The following PRCP variants were observed in gnomAD, a reference collection of about 807,000 sequenced individuals.
PRCP encodes prolylcarboxypeptidase.
A neutral mutation model predicts 54.2 loss-of-function variants in PRCP; 46 were observed. That is an observed-to-expected ratio of 0.85 (90% CI 0.67 to 1.09). PRCP has a LOEUF of 1.09. Among genes scored for constraint, PRCP ranks in the 50% least tolerant of loss-of-function variants. The probability of loss-of-function intolerance (pLI) is 0.00; values close to 1 mark genes in which losing one functional copy is unlikely to be tolerated. For missense variants in PRCP, 613 were observed against 596.8 expected (o/e 1.03, Z -0.28); for synonymous variants, 240 against 212.2 (o/e 1.13, Z -1.14).
rs1258911849 is a variant in PRCP, at chr11:82,825,153, G to A, written c.1275-31C>T. 4 of 1,565,722 alleles carry A rather than the reference G, an allele frequency of 2.6e-6. No individual in the cohort carries two copies. The African/African-American group carries it at 5.4e-5, about 21-fold the overall frequency. The stretch of plus-strand genomic sequence containing the variant: ...AGTGAAAAAAAGAAGAAAAAATAAA[G>A]TTGTTAGTTTTTCATGTTAACACTC... On this transcript the variant is annotated intron_variant, in intron 8 of 8. Transcript: ENST00000313010.
chr11:82,825,071 T>G lies in PRCP; in HGVS notation c.1326A>C (p.Thr442=), dbSNP rs1394210581. Reference sequence around the variant, plus strand: ...AGATGGTGACTGCAACCAGAGTGTCTGTGATATCCTTAGTTACTCCACCTC... The same window carrying G: ...AGATGGTGACTGCAACCAGAGTGTCGGTGATATCCTTAGTTACTCCACCTC... The part of the protein sequence containing the change: ...WSGGGVTKDI[T]DTLVAVTISE... The change falls in exon 9 of 9, where the codon ACA becomes ACC. Residue 442 remains threonine, a synonymous_variant. Transcript: ENST00000313010. The G allele has an allele frequency of 1.2e-6, 2 of 1,614,052 alleles. No homozygotes were observed. The highest frequency in any genetic ancestry group is 1.7e-6 in the Non-Finnish European group (2 of 1,179,962).
intron 1 of PRCP, among the ~76,000 whole-genome samples, chr11:82,875,006 T>C (rs1859571424): frequency 6.6e-6 from 1 of 151,350 alleles, no homozygotes; most frequent in South Asian, 2.1e-4. Context: ...CACCATACTG[T>C]TATAAACTGT....
chr11:82,852,780 T>A (rs1858987332), intron 3 of PRCP, among the ~76,000 whole-genome samples: 1 of 152,354 alleles, frequency 6.6e-6, no homozygotes, highest in South Asian at 2.1e-4. Flanking sequence ...TTTTATTTTA[T>A]TAAAAACATC....
At chr11:82,829,709 A>C (rs1858329822) in intron 8 of PRCP, 2 of 152,192 alleles carry the variant, frequency 1.3e-5, no homozygotes, top group African/African-American at 4.8e-5. Context: ...TTATTTCTAC[A>C]TCTCCAAGTT....
At chr11:82,882,787 G>A (rs894129188) in intron 1 of PRCP, among the ~76,000 whole-genome samples, 1 of 147,700 alleles carries the variant, frequency 6.8e-6, no homozygotes, top group Admixed American at 6.7e-5. Context: ...GAGCCACCGC[G>A]CCCGGCCGAG....
chr11:82,891,037 T>A (rs1413665508), intron 1 of PRCP, among the ~76,000 whole-genome samples: 1 of 152,250 alleles, frequency 6.6e-6, no homozygotes, highest in Non-Finnish European at 1.5e-5. Flanking sequence ...ACCATCTGTA[T>A]ACTAACAGCT....
At chr11:82,877,776 G>C (rs1173412648) in intron 1 of PRCP, among the ~76,000 whole-genome samples, 1 of 152,242 alleles carries the variant, frequency 6.6e-6, no homozygotes, top group Non-Finnish European at 1.5e-5. Context: ...CAGGGTAGAA[G>C]GGAATGTGGA....
At chr11:82,896,771 C>T (rs1378489227) in intron 1 of PRCP, among the ~76,000 whole-genome samples, 1 of 151,974 alleles carries the variant, frequency 6.6e-6, no homozygotes, top group Non-Finnish European at 1.5e-5. Flanking sequence ...TGCAACTCTT[C>T]CCTGGGTTTC....
chr11:82,832,887 G>A (rs1848199993), intron 8 of PRCP, among the ~76,000 whole-genome samples: 1 of 152,212 alleles, frequency 6.6e-6, no homozygotes, highest in South Asian at 2.1e-4. Context: ...TACTTTGGGA[G>A]TGCTGTTTCT....
In PRCP at chr11:82,850,335, A is replaced by G; in HGVS notation, c.582T>C (p.His194=). The G allele has an allele frequency of 1.9e-6, 3 of 1,570,960 alleles. No homozygotes were observed. The South Asian group carries it at 3.5e-5, about 18-fold the overall frequency. Residue 194 remains histidine, a synonymous_variant, in exon 4 of 9, where the codon CAT becomes CAC. Coordinates refer to ENST00000313010, the MANE Select transcript of PRCP (RefSeq NM_005040.4). ...LAAWFRMKYP[H]MVVGALAASA... ...ACAAATGCACTTACCCAACTACCAT[A>G]TGAGGATATTTCATCCTAAACCAGG...
chr11:82,851,436 C>G (rs555953551), intron 3 of PRCP, among the ~76,000 whole-genome samples: 1 of 150,010 alleles, frequency 6.7e-6, no homozygotes, highest in African/African-American at 2.4e-5. Flanking sequence ...CAAGTAGACC[C>G]TTAACTGCAG....
At chr11:82,847,274 G>A (rs1188214280) in intron 6 of PRCP, among the ~76,000 whole-genome samples, 1 of 152,194 alleles carries the variant, frequency 6.6e-6, no homozygotes, top group African/African-American at 2.4e-5. Flanking sequence ...GTCACCCTGT[G>A]AGCAATGGTC....
intron 2 of PRCP, among the ~76,000 whole-genome samples, chr11:82,854,443 A>C (rs972712083): frequency 1.3e-5 from 2 of 152,182 alleles, no homozygotes; most frequent in Admixed American, 6.5e-5. Context: ...AATACAGCTA[A>C]CCAAGGAAGT....
chr11:82,836,224 C>T (rs116813994), intron 8 of PRCP: 1,959 of 153,198 alleles, frequency 0.013, 40 homozygotes, highest in African/African-American at 0.044. Flanking sequence ...AAAGACACAG[C>T]TCTAGAAGAT....
At chr11:82,850,229 G>A in intron 4 of PRCP, 95 bp downstream of exon 4, 1 of 1,201,896 alleles carries the variant, frequency 8.3e-7, no homozygotes, top group Non-Finnish European at 1.1e-6. Flanking sequence ...GAAACCTCAG[G>A]GTAATGGCAT....
Position 82,849,158 on chromosome 11 carries a change from T to C in PRCP, c.812A>G (p.Asp271Gly). Residue 271 changes from aspartate (D) to glycine (G), a missense_variant, in exon 6 of 9, where the codon GAC (aspartate) becomes GGC (glycine). Coordinates refer to ENST00000313010, the MANE Select transcript of PRCP (RefSeq NM_005040.4). Reference sequence around the variant, plus strand: ...GATCCAGTCTTTCAAATGTTGGATGTCCTGAGAAGTTAATGGGCTGCATAA... The same window carrying C: ...GATCCAGTCTTTCAAATGTTGGATGCCCTGAGAAGTTAATGGGCTGCATAA... ...LHLCSPLTSQ[D>G]IQHLKDWISE... is the part of the protein sequence containing the mutation. The C allele has an allele frequency of 8.1e-6, 13 of 1,614,124 alleles. No homozygotes were observed. Among genetic ancestry groups the C allele is most frequent in the Non-Finnish European group, 1.1e-5 (13 of 1,179,974 alleles).
intron 8 of PRCP, chr11:82,836,773 C>A: frequency 4.2e-6 from 1 of 238,512 alleles, no homozygotes; most frequent in South Asian, 4.5e-5. Flanking sequence ...GTCTCAAACT[C>A]CTGGGCTCAA....
At chr11:82,840,730 A>G (rs1858642481) in intron 6 of PRCP, 2 of 152,102 alleles carry the variant, frequency 1.3e-5, no homozygotes, top group Non-Finnish European at 2.9e-5. Context: ...TCCAACCAAT[A>G]CACCATGTAA....
At chr11:82,837,193 G>A in intron 8 of PRCP, 3 of 206,756 alleles carry the variant, frequency 1.5e-5, no homozygotes, top group South Asian at 9.7e-5. Context: ...GCTGTCACGG[G>A]CAAATAAGCA....
Sources: gnomAD v4.1 joint callset for allele counts (sites outside exome capture counted in the v4.1 genomes callset) on GRCh38, gnomAD v4.1.1 for gene constraint, MANE v1.5 for transcripts, NCBI Gene and HGNC (gene_info 2026-07-23, HGNC 2026-07-21) for gene names.